TANC2: variants seen among roughly 807,000 people sequenced by gnomAD.
The protein encoded by TANC2 is tetratricopeptide repeat, ankyrin repeat and coiled-coil containing 2.
A neutral mutation model predicts 210.5 loss-of-function variants in TANC2; 26 were observed. The observed-to-expected ratio is 0.12, with a 90% CI of 0.09 to 0.17. The LOEUF is 0.17. Ranked by LOEUF, TANC2 falls within the 10% of genes least tolerant of loss-of-function variation. The pLI, the probability that TANC2 is intolerant of heterozygous loss-of-function variation, is 1.00. For synonymous variants in TANC2, 931 were observed against 967.1 expected (o/e 0.96, Z 0.69); for missense variants, 2,129 against 2,608.9 (o/e 0.82, Z 4.01).
intron 2 of TANC2, among the ~76,000 whole-genome samples, chr17:63,011,219 G>T (rs568522761): frequency 9.2e-5 from 14 of 151,376 alleles, no homozygotes; most frequent in South Asian, 6.3e-4. Flanking sequence ...GTTTTTTTTT[G>T]TTGTTTTGTG....
chr17:63,299,571 A>G (rs1236003029), intron 9 of TANC2, among the ~76,000 whole-genome samples: 5 of 144,292 alleles, frequency 3.5e-5, no homozygotes, highest in African/African-American at 1.3e-4. Context: ...TTGGCTGCAT[A>G]AATGTCTTCT....
intron 9 of TANC2, among the ~76,000 whole-genome samples, chr17:63,271,155 A>AT (rs2043690650): frequency 6.6e-6 from 1 of 152,092 alleles, no homozygotes; most frequent in Admixed American, 6.6e-5. Flanking sequence ...TATGATAACA[A>AT]TTTATATTCC....
chr17:63,275,820 G>A (rs1033992644), intron 9 of TANC2, among the ~76,000 whole-genome samples: 7 of 152,108 alleles, frequency 4.6e-5, no homozygotes, highest in Non-Finnish European at 7.4e-5. Flanking sequence ...CTTCTGCAGA[G>A]AAGACTGTGA....
At chr17:63,076,128 A>T (rs1448952776) in intron 3 of TANC2, among the ~76,000 whole-genome samples, 2 of 152,142 alleles carry the variant, frequency 1.3e-5, no homozygotes, top group African/African-American at 4.8e-5. Context: ...AGTCAGATGA[A>T]GAAGCATTGG....
rs558964215 is a variant in TANC2, at chr17:63,336,728, A to C, written c.1576-3373A>C. Among the ~76,000 whole-genome samples the C allele has an allele frequency of 7.9e-5, 12 of 152,384 alleles. No homozygotes were observed. In the South Asian group the frequency reaches 2.5e-3, roughly 32 times the overall value. ...TTAAGAAAAAGTTTAGGAATTTAAC[A>C]GAAGGAAAAGTTGAAATGAAAAAAA... is the stretch of plus-strand genomic sequence containing the variant. On this transcript the variant is annotated intron_variant, in intron 11 of 27. Coordinates refer to ENST00000689528, the Ensembl canonical transcript of TANC2.
intron 7 of TANC2, among the ~76,000 whole-genome samples, chr17:63,218,300 A>G (rs1160895349): frequency 1.3e-5 from 2 of 152,148 alleles, no homozygotes; most frequent in Non-Finnish European, 2.9e-5. Flanking sequence ...CAAAAAGTTA[A>G]AAGTAGGAAT....
intron 2 of TANC2, among the ~76,000 whole-genome samples, chr17:63,056,469 GAA>G (rs2035811210): frequency 1.3e-5 from 2 of 152,184 alleles, no homozygotes; most frequent in Admixed American, 1.3e-4. Context: ...CTTGAGCCCA[GAA>G]GTTTGAGACC....
intron 2 of TANC2, among the ~76,000 whole-genome samples, chr17:63,014,417 C>T (rs528451480): frequency 6.6e-6 from 1 of 152,160 alleles, no homozygotes; most frequent in Non-Finnish European, 1.5e-5. Context: ...GTCATACTTT[C>T]TTGTATCTTT....
At chr17:63,238,944 A>G (rs185363751) in intron 8 of TANC2, among the ~76,000 whole-genome samples, 13 of 152,200 alleles carry the variant, frequency 8.5e-5, no homozygotes, top group East Asian at 7.7e-4. Flanking sequence ...CCATGATCCA[A>G]TCACCTCCCA....
intron 4 of TANC2, among the ~76,000 whole-genome samples, chr17:63,146,150 A>T (rs368067098): frequency 2.0e-4 from 30 of 151,624 alleles, no homozygotes; most frequent in African/African-American, 7.3e-4. Flanking sequence ...TACATATTTT[A>T]TTTTTTTGTT....
At chr17:63,084,252 A>G (rs1186354288) in intron 3 of TANC2, among the ~76,000 whole-genome samples, 1 of 152,142 alleles carries the variant, frequency 6.6e-6, no homozygotes, top group African/African-American at 2.4e-5. Context: ...TATCTAGGTC[A>G]TCAAATTGTG....
chr17:63,220,821 C>CGTGTATATGTATATATGT (rs1332338805), intron 7 of TANC2, among the ~76,000 whole-genome samples: 1 of 143,720 alleles, frequency 7.0e-6, no homozygotes, highest in Non-Finnish European at 1.5e-5. Flanking sequence ...TGTATATATA[C>CGTGTATATGTATATATGT]GTGTATATGT....
At chr17:63,395,367 AT>A (rs977644071) in intron 17 of TANC2, among the ~76,000 whole-genome samples, 1 of 152,100 alleles carries the variant, frequency 6.6e-6, no homozygotes, top group African/African-American at 2.4e-5. Context: ...TTCAAAGATA[AT>A]TTTTTTTATG....
chr17:63,247,919 T>A (rs2042960689), intron 8 of TANC2, among the ~76,000 whole-genome samples: 1 of 152,090 alleles, frequency 6.6e-6, no homozygotes, highest in South Asian at 2.1e-4. Context: ...AACCATGGTT[T>A]CAGGATGCTC....
At chr17:63,215,367 G>A (rs2041997793) in intron 7 of TANC2, among the ~76,000 whole-genome samples, 1 of 152,070 alleles carries the variant, frequency 6.6e-6, no homozygotes, top group Admixed American at 6.5e-5. Context: ...TTTGTCCCTG[G>A]TTCCTGACAC....
chr17:63,108,426 A>C (rs1056015988), intron 4 of TANC2, among the ~76,000 whole-genome samples: 1 of 151,876 alleles, frequency 6.6e-6, no homozygotes, highest in African/African-American at 2.4e-5. Flanking sequence ...AGTTTTTAAA[A>C]GCTTAATTCA....
chr17:63,113,699 G>A (rs140789008), intron 4 of TANC2, among the ~76,000 whole-genome samples: 2,059 of 152,096 alleles, frequency 0.014, 24 homozygotes, highest in Middle Eastern at 0.024. Flanking sequence ...TGTAGAGATG[G>A]GGTCTTGCTA....
At chr17:63,336,195 G>T (rs1169097720) in intron 11 of TANC2, among the ~76,000 whole-genome samples, 2 of 152,236 alleles carry the variant, frequency 1.3e-5, no homozygotes. Flanking sequence ...CAATCGGGTG[G>T]TAGTGAGGAA....
chr17:63,185,843 T>A (rs1478216492), intron 5 of TANC2, among the ~76,000 whole-genome samples: 1 of 152,194 alleles, frequency 6.6e-6, no homozygotes, highest in Non-Finnish European at 1.5e-5. Flanking sequence ...TTAATTGGAT[T>A]GTCTTTCTTG....
Sources: gnomAD v4.1 joint callset for allele counts (sites outside exome capture counted in the v4.1 genomes callset) on GRCh38, gnomAD v4.1.1 for gene constraint, MANE v1.5 for transcripts, NCBI Gene and HGNC (gene_info 2026-07-23, HGNC 2026-07-21) for gene names.